TMEM92: variants seen among roughly 807,000 people sequenced by gnomAD.
TMEM92 encodes the protein transmembrane protein 92.
A neutral mutation model predicts 14.6 loss-of-function variants in TMEM92; 15 were observed. The ratio of observed to expected loss-of-function variants is 1.03; its 90% confidence interval spans 0.69 to 1.58. The LOEUF is 1.58. Ranked by LOEUF, TMEM92 falls within the 40% of genes most tolerant of loss-of-function variation. TMEM92 has a pLI of 0.00. For synonymous variants in TMEM92, 85 were observed against 83.3 expected, an observed-to-expected ratio of 1.02 and a Z score of -0.11; for missense variants, 174 against 202.4, an observed-to-expected ratio of 0.86 and a Z score of 0.85.
In TMEM92 at chr17:50,274,576, A is replaced by C. The variant is rs1442192887; in HGVS notation, c.69+6A>C. 6.2e-7 allele frequency: 1 copy of C among 1,612,748 alleles called. No homozygotes were observed. The highest frequency in any genetic ancestry group is 1.3e-5 in the African/African-American group (1 of 74,912). On this transcript the variant is annotated splice_donor_region_variant and intron_variant, in intron 1 of 4. Transcript: ENST00000507382. ...TGCTGGCTGGCCCCCAAAAGGTGAGACTGGGAGGTAAGGTTGTTGAACTTT... is the reference window on the plus strand; with the variant it reads ...TGCTGGCTGGCCCCCAAAAGGTGAGCCTGGGAGGTAAGGTTGTTGAACTTT...
chr17:50,273,274 C>T (rs1021405595), upstream of TMEM92, among the ~76,000 whole-genome samples: 1 of 152,164 alleles, frequency 6.6e-6, no homozygotes, highest in Non-Finnish European at 1.5e-5. Flanking sequence ...CCACAAGCCC[C>T]GGCCGCGCCC....
At chr17:50,278,022 G>T (rs1910485737) in intron 2 of TMEM92, among the ~76,000 whole-genome samples, 2 of 152,192 alleles carry the variant, frequency 1.3e-5, no homozygotes, top group African/African-American at 4.8e-5. Flanking sequence ...GGTCCCCTGG[G>T]TCGGAGGCAG....
rs535627886 is a variant in TMEM92 at position 50,280,394 on chromosome 17, C to T, written c.*1086C>T. The T allele has an allele frequency of 6.6e-6, 1 of 152,236 alleles. No homozygotes were observed. The highest frequency in any genetic ancestry group is 2.4e-5 in the African/African-American group (1 of 41,412). The allele number at this position is 152,236 out of a possible 1,614,324, so 9.4% of individuals were successfully genotyped here. A position where few individuals can be genotyped will look rare whatever the true frequency, so the allele number is the denominator to read the frequency against. ...AGCCCCGCTCGCTCGTGGGAGTTAA[C>T]CCCCTAGGGGAGAAGAGTCTTCACT... is the stretch of plus-strand genomic sequence containing the variant. On this transcript the variant is annotated 3_prime_UTR_variant, in exon 5 of 5. Transcript: ENST00000507382.
rs569680763 is a variant in TMEM92, at chr17:50,277,348, A to G, written c.70-367A>G. Among the ~76,000 whole-genome samples the G allele has an allele frequency of 1.6e-4, 24 of 151,992 alleles. No individual in the cohort carries two copies. In the South Asian group the frequency reaches 3.7e-3, roughly 24 times the overall value. On this transcript the variant is annotated intron_variant, in intron 1 of 4. Coordinates refer to ENST00000507382, the MANE Select transcript of TMEM92 (RefSeq NM_153229.3). ...GTGATGAGATTTGCATTATAGGAAG[A>G]GTCCTCCTGCCCACAGTGTCTGCAG... is the stretch of plus-strand genomic sequence containing the variant.
At chr17:50,273,969 G>C (rs559759079), upstream of TMEM92, among the ~76,000 whole-genome samples, 84 of 150,400 alleles carry the variant, frequency 5.6e-4, no homozygotes, top group African/African-American at 2.0e-3. Flanking sequence ...TTAAATTTAG[G>C]TTATTTATTT....
At chr17:50,274,781 G>A (rs1160664117) in intron 1 of TMEM92, 1 of 577,984 alleles carries the variant, frequency 1.7e-6, no homozygotes, top group East Asian at 3.1e-5. Flanking sequence ...CCTCTGAGGG[G>A]GATCCTGTGG....
chr17:50,274,211 C>T (rs1910342351), upstream of TMEM92, among the ~76,000 whole-genome samples: 1 of 152,232 alleles, frequency 6.6e-6, no homozygotes, highest in Admixed American at 6.5e-5. Flanking sequence ...GAACTCCTGA[C>T]CTGAAGTGAT....
chr17:50,272,088 T>C (rs552871665), upstream of TMEM92, among the ~76,000 whole-genome samples: 1 of 152,256 alleles, frequency 6.6e-6, no homozygotes, highest in Admixed American at 6.5e-5. Context: ...ATCTGAAATT[T>C]GGATTTACCT....
chr17:50,274,420 G>A, upstream of TMEM92: 2 of 1,498,372 alleles, frequency 1.3e-6, no homozygotes, highest in African/African-American at 1.4e-5. Flanking sequence ...TCCCGAGGCG[G>A]GGCCCCATAG....
chr17:50,278,687 G>A, intron 3 of TMEM92, 57 bp downstream of exon 3: 5 of 1,594,836 alleles, frequency 3.1e-6, no homozygotes, highest in Non-Finnish European at 4.3e-6. Flanking sequence ...GGTCCTGTGT[G>A]GACAAGGCCA....
At position 50,281,409 on chromosome 17, in the gene TMEM92, A is replaced by G. The variant is rs1361267145; in HGVS notation, c.*2101A>G. 6.6e-6 allele frequency: 1 copy of G among 152,228 alleles called. No individual in the cohort carries two copies. The highest frequency in any genetic ancestry group is 1.5e-5 in the Non-Finnish European group (1 of 68,034). 9.4% of individuals were successfully genotyped at this position (152,228 alleles called of 1,614,324 possible). ...GCTCATACAAAAGAGCTCAATAAGT[A>G]TCATGCACTAATTCATTGTGCCACC... is the stretch of plus-strand genomic sequence containing the variant. On this transcript the variant is annotated 3_prime_UTR_variant, in exon 5 of 5. Transcript: ENST00000507382.
chr17:50,272,073 C>G (rs189612763), upstream of TMEM92, among the ~76,000 whole-genome samples: 10 of 152,220 alleles, frequency 6.6e-5, no homozygotes, highest in Admixed American at 1.3e-4. Flanking sequence ...AATTATTCAT[C>G]GTTTATCTGA....
chr17:50,279,154 G>A (rs1567788781), intron 4 of TMEM92, 41 bp from the exon 5 acceptor site: 3 of 1,597,934 alleles, frequency 1.9e-6, no homozygotes, highest in Non-Finnish European at 2.6e-6. Context: ...TGGTGGCCAG[G>A]GCCAGGGCCC....
In TMEM92 at chr17:50,279,015, T is replaced by G. The variant is rs768411221; in HGVS notation, c.366+19T>G. Reference sequence around the variant, plus strand: ...CAGTGAGGTGGGTGTCTCATCCCCATCCCCACCTTGCCTCTGGCCGGCTGT... The same window carrying G: ...CAGTGAGGTGGGTGTCTCATCCCCAGCCCCACCTTGCCTCTGGCCGGCTGT... On this transcript the variant is annotated intron_variant, in intron 4 of 4. Transcript: ENST00000507382. 5 of 1,546,620 alleles carry G rather than the reference T, an allele frequency of 3.2e-6. No individual in the cohort carries two copies. Among genetic ancestry groups the G allele is most frequent in the Non-Finnish European group, 3.6e-6 (4 of 1,124,284 alleles).
At chr17:50,277,660 C>A in intron 1 of TMEM92, 55 bp from the exon 2 acceptor site, 1 of 1,606,136 alleles carries the variant, frequency 6.2e-7, no homozygotes. Context: ...GGAGACCCTA[C>A]CCCCACTATC....
Position 50,281,222 on chromosome 17 carries a change from T to G in TMEM92, c.*1914T>G, listed in dbSNP as rs1285570719. 3 of 152,130 alleles carry G rather than the reference T, an allele frequency of 2.0e-5. No individual in the cohort carries two copies. The East Asian group carries it at 5.8e-4, about 29-fold the overall frequency. The allele number at this position is 152,130 out of a possible 1,614,324, so 9.4% of individuals were successfully genotyped here. ...TCATCCTTGGTGGGAGTGGGAATGG[T>G]GTCACCTTTCTAGAGGGCCATCTGG... is the stretch of plus-strand genomic sequence containing the variant. On this transcript the variant is annotated 3_prime_UTR_variant, in exon 5 of 5. Transcript: ENST00000507382.
chr17:50,274,088 C>T (rs1910336859), upstream of TMEM92, among the ~76,000 whole-genome samples: 1 of 152,170 alleles, frequency 6.6e-6, no homozygotes, highest in Non-Finnish European at 1.5e-5. Context: ...AAGCGATTCT[C>T]CTGCCTCAGG....
chr17:50,279,548 G>A lies in TMEM92; in HGVS notation c.*240G>A, dbSNP rs762834585. 10 of 477,980 alleles carry A rather than the reference G, an allele frequency of 2.1e-5. No individual in the cohort carries two copies. Among genetic ancestry groups the A allele is most frequent in the African/African-American group, 6.0e-5 (3 of 49,732 alleles). 29.6% of individuals were successfully genotyped at this position (477,980 alleles called of 1,614,324 possible). A position where few individuals can be genotyped will look rare whatever the true frequency, so the allele number is the denominator to read the frequency against. On this transcript the variant is annotated 3_prime_UTR_variant, in exon 5 of 5. Transcript: ENST00000507382. ...CCCCCAGCCCAAGAAAGAGGCTGCC[G>A]GAAAGAAAATGCTGACCATTGGAGG... is the stretch of plus-strand genomic sequence containing the variant.
chr17:50,279,255 A>T lies in TMEM92; in HGVS notation c.427A>T (p.Arg143Trp). ...AGAGCCACCCCCTCCCTACAGCTTC[A>T]GGCCTGAAGAATATACCGGGGATCA... The part of the protein sequence containing the change: ...PTEPPPPYSF[R>W]PEEYTGDQRG... The change falls in exon 5 of 5, where the codon AGG becomes TGG. Residue 143 changes from arginine to tryptophan, a missense_variant. Transcript: ENST00000507382. 1.9e-6 allele frequency: 3 copies of T among 1,613,708 alleles called. 1 individual carries two copies. In the African/African-American group the frequency reaches 4.0e-5, roughly 22 times the overall value.
Sources: gnomAD v4.1 joint callset for allele counts (sites outside exome capture counted in the v4.1 genomes callset) on GRCh38, gnomAD v4.1.1 for gene constraint, MANE v1.5 for transcripts, NCBI Gene and HGNC (gene_info 2026-07-23, HGNC 2026-07-21) for gene names.